Variants in GLRX2 observed in about 807,000 individuals in gnomAD.
GLRX2 encodes glutaredoxin 2, also known as bA101E13.1 (GRX2 glutaredoxin (thioltransferase) 2).
In GLRX2, 12 loss-of-function variants were observed where a neutral mutation model predicts 16.4. The ratio of observed to expected loss-of-function variants is 0.73; its 90% confidence interval spans 0.47 to 1.19. GLRX2 has a LOEUF of 1.19. Ranked by LOEUF, GLRX2 falls within the 50% of genes most tolerant of loss-of-function variation. The pLI is 0.00. For missense variants in GLRX2, 201 were observed against 201.8 expected (o/e 1.00, Z 0.02); for synonymous variants, 95 against 76.2 (o/e 1.25, Z -1.28).
intron 2 of GLRX2, 130 bp from the exon 3 acceptor site, chr1:193,097,890 T>C (rs35057393): frequency 3.7e-6 from 2 of 533,928 alleles, no homozygotes; most frequent in Admixed American, 7.9e-5. Context: ...TCATCTATTT[T>C]TTCTCATCTG....
chr1:193,097,568 C>A lies in GLRX2; in HGVS notation c.360+16G>T, dbSNP rs755334670. ...AACCTATTAAAGAGGAACAGCACCACAGAGGATATACTCACAGTTCTTTCA... is the reference window on the plus strand; with the variant it reads ...AACCTATTAAAGAGGAACAGCACCAAAGAGGATATACTCACAGTTCTTTCA... On this transcript the variant is annotated intron_variant, in intron 3 of 3. Transcript: ENST00000367439. 6.9e-6 allele frequency: 11 copies of A among 1,584,886 alleles called. No homozygotes were observed. Among genetic ancestry groups the A allele is most frequent in the Non-Finnish European group, 4.3e-6 (5 of 1,166,726 alleles).
At chr1:193,105,517 C>A, upstream of GLRX2, 1 of 1,548,934 alleles carries the variant, frequency 6.5e-7, no homozygotes, top group Non-Finnish European at 8.7e-7. Context: ...CGCCGGTCAC[C>A]TCCTCGCAGC....
In GLRX2 at chr1:193,097,757, T is replaced by A. The variant is rs1171823897; in HGVS notation, c.187A>T (p.Thr63Ser). 6.3e-7 allele frequency: 1 copy of A among 1,575,508 alleles called. No homozygotes were observed. Among genetic ancestry groups the A allele is most frequent in the East Asian group, 2.3e-5 (1 of 44,116 alleles). Reference sequence around the variant, plus strand: ...ATCACCACACAATTATCAGAAATTGTTTCCTGAAATAAAACCACAAAAAAT... The same window carrying A: ...ATCACCACACAATTATCAGAAATTGATTCCTGAAATAAAACCACAAAAAAT... ...ATAPVNQIQE[T>S]ISDNCVVIFS... Residue 63 changes from threonine to serine, a missense_variant, in exon 3 of 4, where the codon ACA becomes TCA. Coordinates refer to ENST00000367439, the MANE Select transcript of GLRX2 (RefSeq NM_197962.3).
chr1:193,099,040 G>A (rs1236494327), intron 2 of GLRX2, among the ~76,000 whole-genome samples: 2 of 151,996 alleles, frequency 1.3e-5, no homozygotes, highest in African/African-American at 4.8e-5. Context: ...CTCTTGATAA[G>A]GTATTCTCAT....
At chr1:193,106,043 C>A, upstream of GLRX2, 1 of 987,802 alleles carries the variant, frequency 1.0e-6, no homozygotes, top group Non-Finnish European at 1.2e-6. Context: ...GATGTTTCAC[C>A]ATGGCTTTGG....
At chr1:193,098,813 A>G (rs1675013503) in intron 2 of GLRX2, among the ~76,000 whole-genome samples, 1 of 152,102 alleles carries the variant, frequency 6.6e-6, no homozygotes, top group South Asian at 2.1e-4. Flanking sequence ...AGCCTCCCAA[A>G]GTGCTGGGAT....
upstream of GLRX2, chr1:193,105,586 T>G: frequency 6.2e-7 from 1 of 1,607,516 alleles, no homozygotes; most frequent in African/African-American, 1.3e-5. Flanking sequence ...CACCCACGTG[T>G]AAACATCCTT....
chr1:193,100,206 G>T (rs1368301418), intron 2 of GLRX2, among the ~76,000 whole-genome samples: 2 of 152,222 alleles, frequency 1.3e-5, no homozygotes, highest in Non-Finnish European at 2.9e-5. Flanking sequence ...CAGGCACGGT[G>T]GCTCATGCTT....
At chr1:193,105,099 G>T (rs1453371443) in intron 1 of GLRX2, 165 bp downstream of exon 1, 1 of 731,290 alleles carries the variant, frequency 1.4e-6, no homozygotes, top group Non-Finnish European at 1.7e-6. Context: ...ACCCTTCCCT[G>T]CCCATCCCTC....
At chr1:193,100,075 T>C (rs1675043503) in intron 2 of GLRX2, among the ~76,000 whole-genome samples, 1 of 152,124 alleles carries the variant, frequency 6.6e-6, no homozygotes, top group Non-Finnish European at 1.5e-5. Context: ...GATTCCAAAG[T>C]GAGCTGAAAC....
At chr1:193,098,140 C>A (rs999100603) in intron 2 of GLRX2, among the ~76,000 whole-genome samples, 5 of 152,166 alleles carry the variant, frequency 3.3e-5, no homozygotes, top group Non-Finnish European at 5.9e-5. Flanking sequence ...AAGTGAGGTG[C>A]AGAGGAAGAT....
At position 193,104,016 on chromosome 1, in the gene GLRX2, T is replaced by C. The variant is rs538130568; in HGVS notation, c.119+1248A>G. On this transcript the variant is annotated intron_variant, in intron 1 of 3. Transcript: ENST00000367439. ...AATAAATCAGCAAGCTGTATTTGGT[T>C]TATCAACTAAGAAAGCAAGTCCTTT... Among the ~76,000 whole-genome samples the C allele has an allele frequency of 6.6e-5, 10 of 152,284 alleles. No homozygotes were observed. In the South Asian group the frequency reaches 2.1e-3, roughly 32 times the overall value.
upstream of GLRX2, chr1:193,105,419 G>C: frequency 1.3e-6 from 2 of 1,483,626 alleles, no homozygotes; most frequent in Non-Finnish European, 1.8e-6. Context: ...TCTACTGCCG[G>C]ACACCGCGGA....
intron 3 of GLRX2, 29 bp from the exon 4 acceptor site, chr1:193,096,788 C>T (rs773424695): frequency 1.3e-6 from 2 of 1,568,588 alleles, no homozygotes; most frequent in African/African-American, 1.4e-5. Flanking sequence ...AAGAATTAGG[C>T]TTTACTCTAG....
Position 193,096,532 on chromosome 1 carries a change from T to C in GLRX2, c.*93A>G. The C allele has an allele frequency of 1.6e-6, 1 of 634,160 alleles. No homozygotes were observed. Among genetic ancestry groups the C allele is most frequent in the East Asian group, 2.8e-5 (1 of 35,830 alleles). 39.3% of individuals were successfully genotyped at this position (634,160 alleles called of 1,614,324 possible). ...ATCTTCTTCGTGAAGACAATGCATG[T>C]ATTTAAAACATCCTCAAACATTTAA... On this transcript the variant is annotated 3_prime_UTR_variant, in exon 4 of 4. Transcript: ENST00000367439.
chr1:193,105,711 A>T (rs1675187998), upstream of GLRX2: 1 of 1,492,150 alleles, frequency 6.7e-7, no homozygotes, highest in Admixed American at 2.3e-5. Flanking sequence ...GAAGCAGTGC[A>T]TGAGGATGGT....
chr1:193,101,286 C>T, intron 1 of GLRX2, 82 bp from the exon 2 acceptor site: 3 of 935,488 alleles, frequency 3.2e-6, no homozygotes, highest in Non-Finnish European at 5.1e-6. Flanking sequence ...AAAAATCAAT[C>T]TCATAAACAA....
chr1:193,097,033 C>G (rs1007242148), intron 3 of GLRX2, among the ~76,000 whole-genome samples: 36 of 152,310 alleles, frequency 2.4e-4, no homozygotes, highest in African/African-American at 8.7e-4. Context: ...ATTCTAAAAC[C>G]TTTCTTCCTG....
At chr1:193,098,425 A>C (rs1397536599) in intron 2 of GLRX2, among the ~76,000 whole-genome samples, 1 of 152,090 alleles carries the variant, frequency 6.6e-6, no homozygotes, top group Non-Finnish European at 1.5e-5. Context: ...CTGTAATCCC[A>C]GCTACTCAGA....
Sources: gnomAD v4.1 joint callset for allele counts (sites outside exome capture counted in the v4.1 genomes callset) on GRCh38, gnomAD v4.1.1 for gene constraint, MANE v1.5 for transcripts, NCBI Gene and HGNC (gene_info 2026-07-23, HGNC 2026-07-21) for gene names.